The following PRMT8 variants were observed in gnomAD, a reference collection of about 807,000 sequenced individuals.
PRMT8 encodes protein arginine methyltransferase 8.
A neutral mutation model predicts 47.1 loss-of-function variants in PRMT8; 7 were observed. The ratio of observed to expected loss-of-function variants is 0.15; its 90% CI spans 0.08 to 0.28. The LOEUF is 0.28. PRMT8 is among the 10% of genes least tolerant of loss of function. PRMT8 has a pLI of 1.00. For missense variants in PRMT8, 237 were observed against 505.4 expected (o/e 0.47, Z 5.09); for synonymous variants, 188 against 186.5 (o/e 1.01, Z -0.07).
At chr12:3,477,312 G>A (rs935259112) in intron 1 of PRMT8, among the ~76,000 whole-genome samples, 7 of 152,336 alleles carry the variant, frequency 4.6e-5, no homozygotes, top group South Asian at 2.1e-4. Flanking sequence ...TAAGTGCTCC[G>A]CACTGGACTG....
At chr12:3,479,084 A>T (rs1267802118) in intron 1 of PRMT8, among the ~76,000 whole-genome samples, 1 of 152,204 alleles carries the variant, frequency 6.6e-6, no homozygotes, top group Non-Finnish European at 1.5e-5. Context: ...AGTGGCCTGG[A>T]TTCCCTGGCA....
chr12:3,590,048 G>A (rs17769954), intron 8 of PRMT8, among the ~76,000 whole-genome samples: 19,000 of 152,274 alleles, frequency 0.12, 1,356 homozygotes, highest in Middle Eastern at 0.28. Flanking sequence ...GTTGGGAGCA[G>A]GTGGACTTTG....
At chr12:3,432,423 A>G (rs1022982769) in intron 1 of PRMT8, among the ~76,000 whole-genome samples, 4 of 152,232 alleles carry the variant, frequency 2.6e-5, no homozygotes, top group Admixed American at 6.5e-5. Flanking sequence ...AAACACTTTG[A>G]AATAATGGTT....
chr12:3,453,051 C>G lies in PRMT8; in HGVS notation c.48+71609C>G, dbSNP rs1371306837. On this transcript the variant is annotated intron_variant, in intron 1 of 9. Transcript: ENST00000452611. This position sits in a 1 kb window ranked among gnomAD's most constrained non-coding sequence, Gnocchi z 4.9. ...GAGGGGAGGGAAGCTAAACCCTGGA[C>G]TGGGATCACATGAAAGGAGATGAAA... 6.6e-6 allele frequency among the ~76,000 whole-genome samples: 1 copy of G among 152,156 alleles called. No homozygotes were observed. Among genetic ancestry groups the G allele is most frequent in the Non-Finnish European group, 1.5e-5 (1 of 68,034 alleles).
chr12:3,470,270 G>A (rs1236452029), intron 1 of PRMT8, among the ~76,000 whole-genome samples: 1 of 152,180 alleles, frequency 6.6e-6, no homozygotes, highest in Non-Finnish European at 1.5e-5. Context: ...GGGTGTCAAG[G>A]CCTCCAGTCC....
chr12:3,450,883 G>T (rs1420373624), intron 1 of PRMT8, among the ~76,000 whole-genome samples: 2 of 152,188 alleles, frequency 1.3e-5, no homozygotes, highest in East Asian at 3.8e-4. Flanking sequence ...TAAACACTAT[G>T]ATGACTAGAA....
intron 8 of PRMT8, among the ~76,000 whole-genome samples, chr12:3,591,827 C>G (rs1867312894): frequency 6.6e-6 from 1 of 152,174 alleles, no homozygotes; most frequent in African/African-American, 2.4e-5. Context: ...CTCTACAAAT[C>G]TCTTCCCCAT....
At chr12:3,431,449 G>A (rs1430271523) in intron 1 of PRMT8, among the ~76,000 whole-genome samples, 1 of 152,168 alleles carries the variant, frequency 6.6e-6, no homozygotes, top group Non-Finnish European at 1.5e-5. Flanking sequence ...GGCAGATGAT[G>A]TTCACTGTGA....
intron 1 of PRMT8, among the ~76,000 whole-genome samples, chr12:3,513,508 G>A (rs1865744036): frequency 6.6e-6 from 1 of 152,164 alleles, no homozygotes; most frequent in African/African-American, 2.4e-5. Context: ...GACAGAGGCT[G>A]GGGCCCATGA....
chr12:3,442,093 TTAACA>T (rs1240134765), intron 1 of PRMT8, among the ~76,000 whole-genome samples: 1 of 152,178 alleles, frequency 6.6e-6, no homozygotes, highest in Non-Finnish European at 1.5e-5. Flanking sequence ...CACCGAATTC[TTAACA>T]TAACTAAAAA....
intron 1 of PRMT8, among the ~76,000 whole-genome samples, chr12:3,382,690 T>A (rs1864103662): frequency 6.6e-6 from 1 of 152,236 alleles, no homozygotes; most frequent in Non-Finnish European, 1.5e-5. Context: ...TTTAACAGGA[T>A]TTCTCACAGA....
intron 1 of PRMT8, among the ~76,000 whole-genome samples, chr12:3,529,145 A>G (rs1865989008): frequency 6.6e-6 from 1 of 152,188 alleles, no homozygotes; most frequent in African/African-American, 2.4e-5. Flanking sequence ...AAGACTCTGC[A>G]TTGCAAACTT....
chr12:3,576,813 G>A lies in PRMT8; in HGVS notation c.713-58G>A. 3 of 1,391,648 alleles carry A rather than the reference G, an allele frequency of 2.2e-6. No homozygotes were observed. Among genetic ancestry groups the A allele is most frequent in the Non-Finnish European group, 2.0e-6 (2 of 982,844 alleles). The allele number at this position is 1,391,648 out of a possible 1,614,324, so 86.2% of individuals were successfully genotyped here. ...ACGCTGTGCTCTAGGACTCAGGAGG[G>A]TTGGGTGAGCTTCTGGGGGTCCTGC... On this transcript the variant is annotated intron_variant, in intron 6 of 9. Transcript: ENST00000382622. This position sits in a 1 kb window ranked among gnomAD's most constrained non-coding sequence, Gnocchi z 4.0.
At chr12:3,451,311 A>T (rs1325767489) in intron 1 of PRMT8, among the ~76,000 whole-genome samples, 1 of 152,096 alleles carries the variant, frequency 6.6e-6, no homozygotes, top group Non-Finnish European at 1.5e-5. Context: ...AGAAAGCGGG[A>T]GTGACACACC....
chr12:3,443,450 CCTGT>C (rs1433933287), intron 1 of PRMT8, among the ~76,000 whole-genome samples: 3 of 152,294 alleles, frequency 2.0e-5, no homozygotes, highest in African/African-American at 7.2e-5. Context: ...ATTCCCTTCT[CCTGT>C]CTAACTCACA....
At chr12:3,544,179 G>C (rs1159167500) in intron 2 of PRMT8, among the ~76,000 whole-genome samples, 1 of 152,246 alleles carries the variant, frequency 6.6e-6, no homozygotes, top group Non-Finnish European at 1.5e-5. Flanking sequence ...GTTTTCCACA[G>C]GGTGGCATGT....
At chr12:3,381,370 G>T (rs1260772880) in exon 1 of PRMT8, 63 of 1,535,606 alleles carry the variant, frequency 4.1e-5, no homozygotes, top group Non-Finnish European at 5.1e-5. Flanking sequence ...AGGGAGGCTT[G>T]CTGTTTGAAT....
At chr12:3,483,191 C>T (rs964353987) in intron 1 of PRMT8, among the ~76,000 whole-genome samples, 1 of 152,180 alleles carries the variant, frequency 6.6e-6, no homozygotes, top group African/African-American at 2.4e-5. Context: ...GCACCCGGTC[C>T]GCAGTGGGTA....
chr12:3,540,618 C>CCCCCG lies in PRMT8; in HGVS notation c.90_91insCCGCC (p.Ser31ProfsTer37). The CCCCCG allele has an allele frequency of 1.8e-6, 2 of 1,134,800 alleles. No homozygotes were observed. The highest frequency in any genetic ancestry group is 2.7e-6 in the Non-Finnish European group (2 of 754,518). The allele number at this position is 1,134,800 out of a possible 1,614,324, so 70.3% of individuals were successfully genotyped here. ...CTCTTCCCCTCAGGTGAACAGCCCC[C>CCCCCG]CCTCCCAGCCCCCCCAGCCCGTCGT... On this transcript the variant is annotated frameshift_variant, in exon 2 of 10. Coordinates refer to ENST00000382622, the MANE Select transcript of PRMT8 (RefSeq NM_019854.5). LOFTEE classifies it high-confidence loss of function.
Sources: allele counts gnomAD v4.1 joint callset (sites outside exome capture counted in the v4.1 genomes callset), GRCh38; gene constraint gnomAD v4.1.1; non-coding constraint Gnocchi (gnomAD v3.1); transcripts MANE v1.5; gene names NCBI Gene and HGNC (gene_info 2026-07-23, HGNC 2026-07-21).